The following SLC2A13 variants were observed in gnomAD, a reference collection of about 807,000 sequenced individuals.
SLC2A13 encodes proton myo-inositol cotransporter.
SLC2A13 carries 32 observed loss-of-function variants against 64.4 expected under a neutral mutation model. That is an observed-to-expected ratio of 0.50 (90% CI 0.37 to 0.67). The LOEUF (loss-of-function observed/expected upper bound fraction) is 0.67. Ranked by LOEUF, SLC2A13 falls within the 30% of genes least tolerant of loss-of-function variation. The pLI is 0.00. For missense variants in SLC2A13, 743 were observed against 829.2 expected, an observed-to-expected ratio of 0.90 and a Z score of 1.28; for synonymous variants, 338 against 327.1, an observed-to-expected ratio of 1.03 and a Z score of -0.36.
intron 3 of SLC2A13, among the ~76,000 whole-genome samples, chr12:39,988,106 T>C (rs1947061173): frequency 6.6e-6 from 1 of 152,182 alleles, no homozygotes; most frequent in Admixed American, 6.5e-5. Context: ...TAGATGTACA[T>C]ATCTTTGCAT....
At chr12:39,966,125 GTATA>G (rs71441878) in intron 3 of SLC2A13, among the ~76,000 whole-genome samples, 2 of 147,130 alleles carry the variant, frequency 1.4e-5, no homozygotes, top group Non-Finnish European at 3.0e-5. Context: ...ATGTGTGTGT[GTATA>G]TATATATATA....
intron 1 of SLC2A13, among the ~76,000 whole-genome samples, chr12:40,082,955 C>T (rs1938462879): frequency 6.6e-6 from 1 of 152,118 alleles, no homozygotes; most frequent in South Asian, 2.1e-4. Flanking sequence ...CTTCTGTCTA[C>T]TCTCAATACC....
At chr12:40,011,548 A>C (rs907777563) in intron 3 of SLC2A13, among the ~76,000 whole-genome samples, 5 of 152,164 alleles carry the variant, frequency 3.3e-5, no homozygotes, top group Non-Finnish European at 7.4e-5. Context: ...GTGTGATGCT[A>C]AGGTTTGATC....
At chr12:40,056,904 C>T (rs1056815193) in intron 1 of SLC2A13, among the ~76,000 whole-genome samples, 1 of 151,790 alleles carries the variant, frequency 6.6e-6, no homozygotes, top group African/African-American at 2.4e-5. Flanking sequence ...AAGCAGAACC[C>T]GGGAGGTGGA....
chr12:39,858,029 G>C (rs996682166), intron 6 of SLC2A13, among the ~76,000 whole-genome samples: 13 of 152,108 alleles, frequency 8.5e-5, no homozygotes, highest in African/African-American at 2.9e-4. Flanking sequence ...GTAAGTCTGT[G>C]GCTAAAAGCC....
intron 3 of SLC2A13, among the ~76,000 whole-genome samples, chr12:40,025,613 A>C (rs1457619666): frequency 6.6e-6 from 1 of 152,206 alleles, no homozygotes; most frequent in African/African-American, 2.4e-5. Context: ...TATAAGAAAT[A>C]GGGTGTCTTA....
intron 2 of SLC2A13, among the ~76,000 whole-genome samples, chr12:40,045,622 T>C (rs1345847025): frequency 1.3e-5 from 2 of 151,834 alleles, no homozygotes; most frequent in Non-Finnish European, 2.9e-5. Context: ...TAAATGTGTA[T>C]TCATGCAAAG....
chr12:39,836,290 T>G (rs1943001324), intron 6 of SLC2A13, among the ~76,000 whole-genome samples: 1 of 152,088 alleles, frequency 6.6e-6, no homozygotes, highest in Non-Finnish European at 1.5e-5. Flanking sequence ...GCAGATATAT[T>G]AGAAACTCAA....
At chr12:39,862,399 T>C (rs781246860) in intron 6 of SLC2A13, among the ~76,000 whole-genome samples, 2 of 152,214 alleles carry the variant, frequency 1.3e-5, no homozygotes, top group Non-Finnish European at 2.9e-5. Flanking sequence ...CTGTGGTCTA[T>C]AGATTTCTAC....
chr12:39,904,294 GGCAGATGTTCA>G (rs1214752510), intron 4 of SLC2A13, among the ~76,000 whole-genome samples: 2 of 152,128 alleles, frequency 1.3e-5, no homozygotes, highest in Non-Finnish European at 2.9e-5. Context: ...CCAAATGGAA[GGCAGATGTTCA>G]GCAGAAACCA....
rs375394047 is a variant in SLC2A13, at chr12:39,895,845, CAT to C, written c.1035-23886_1035-23885del. 4.9e-3 allele frequency among the ~76,000 whole-genome samples: 301 copies of C among 60,866 alleles called. 98 individuals carry two copies. The East Asian group carries it at 0.11, about 22-fold the overall frequency. The allele number at this position is 60,866 out of a possible 152,430, so 39.9% of individuals were successfully genotyped here. ...ATGTATATGCGTGTATATGCACACACATATGTATATGCGTGTATATGCACACA... is the reference window on the plus strand; with the variant it reads ...ATGTATATGCGTGTATATGCACACACATGTATATGCGTGTATATGCACACA... On this transcript the variant is annotated intron_variant, in intron 4 of 9. Transcript: ENST00000280871.
At chr12:39,890,830 G>A (rs1206622446) in intron 4 of SLC2A13, among the ~76,000 whole-genome samples, 1 of 151,948 alleles carries the variant, frequency 6.6e-6, no homozygotes, top group Admixed American at 6.6e-5. Context: ...ATTCTATACA[G>A]CTATGAAAAA....
intron 3 of SLC2A13, among the ~76,000 whole-genome samples, chr12:39,974,425 T>A (rs894852479): frequency 2.0e-5 from 3 of 152,190 alleles, no homozygotes; most frequent in Non-Finnish European, 4.4e-5. Context: ...TCCTCATTTA[T>A]AAAACAGGAT....
chr12:39,779,475 C>G (rs1348659022), intron 7 of SLC2A13, among the ~76,000 whole-genome samples: 2 of 152,150 alleles, frequency 1.3e-5, no homozygotes, highest in African/African-American at 4.8e-5. Flanking sequence ...TACCTATTAT[C>G]TTCCCTTTTC....
intron 2 of SLC2A13, among the ~76,000 whole-genome samples, chr12:40,031,951 AG>A (rs1240716235): frequency 3.3e-5 from 5 of 152,204 alleles, no homozygotes. Context: ...ACACTGGGGC[AG>A]GCAGTCCCCA....
At chr12:39,778,369 C>T (rs1940853069) in intron 7 of SLC2A13, among the ~76,000 whole-genome samples, 1 of 152,214 alleles carries the variant, frequency 6.6e-6, no homozygotes, top group South Asian at 2.1e-4. Context: ...TTATTGCCAG[C>T]TCTTGGGGGC....
At chr12:40,034,797 C>A (rs919030351) in intron 2 of SLC2A13, among the ~76,000 whole-genome samples, 7 of 152,138 alleles carry the variant, frequency 4.6e-5, no homozygotes, top group Admixed American at 4.6e-4. Context: ...TCAATAGATT[C>A]TTTGAAAACA....
chr12:39,860,828 C>T (rs1943740937), intron 6 of SLC2A13, among the ~76,000 whole-genome samples: 1 of 152,200 alleles, frequency 6.6e-6, no homozygotes, highest in South Asian at 2.1e-4. Context: ...TCATAGACAA[C>T]TGTAAAAAAC....
chr12:39,838,334 A>C (rs1414876733), intron 6 of SLC2A13, among the ~76,000 whole-genome samples: 1 of 112,212 alleles, frequency 8.9e-6, no homozygotes, highest in Admixed American at 1.1e-4. Flanking sequence ...CACTCTGGGG[A>C]CTGTGGTGGG....
Sources: gnomAD v4.1 joint callset for allele counts (sites outside exome capture counted in the v4.1 genomes callset) on GRCh38, gnomAD v4.1.1 for gene constraint, MANE v1.5 for transcripts, NCBI Gene and HGNC (gene_info 2026-07-23, HGNC 2026-07-21) for gene names.